STIM2: variants seen among roughly 807,000 people sequenced by gnomAD.
STIM2 encodes stromal interaction molecule 2.
In STIM2, 31 loss-of-function variants were observed where a neutral mutation model predicts 85.8. The observed-to-expected ratio is 0.36, with a 90% CI of 0.27 to 0.49. The LOEUF (loss-of-function observed/expected upper bound fraction) is 0.49, where lower values mean the gene tolerates loss of function less well. STIM2 is among the 20% of genes least tolerant of loss of function. STIM2 has a pLI of 0.98. For synonymous variants in STIM2, 356 were observed against 331.1 expected (o/e 1.08, Z -0.82); for missense variants, 841 against 927.6 (o/e 0.91, Z 1.21).
intron 3 of STIM2, among the ~76,000 whole-genome samples, chr4:26,990,656 C>T (rs2109121420): frequency 6.6e-6 from 1 of 152,148 alleles, no homozygotes; most frequent in East Asian, 1.9e-4. Context: ...AAGAGACAAC[C>T]TATGGGGTGG....
chr4:26,997,461 A>G (rs1560234516), intron 4 of STIM2, among the ~76,000 whole-genome samples: 1 of 152,100 alleles, frequency 6.6e-6, no homozygotes, highest in Admixed American at 6.5e-5. Flanking sequence ...CCTGACACAT[A>G]CCACCTCATT....
Position 26,861,114 on chromosome 4 carries a change from G to A in STIM2, c.-105G>A. On this transcript the variant is annotated 5_prime_UTR_variant, in exon 1 of 12. Coordinates refer to ENST00000467087, the MANE Select transcript of STIM2 (RefSeq NM_020860.4). Reference sequence around the variant, plus strand: ...CGGAGCCGGCGAGCTGCAGGCGGCCGGGGCGCCGCTGCGCTTTCACCCGGC... The same window carrying A: ...CGGAGCCGGCGAGCTGCAGGCGGCCAGGGCGCCGCTGCGCTTTCACCCGGC... The A allele has an allele frequency of 3.3e-6, 4 of 1,205,010 alleles. No individual in the cohort carries two copies. Among genetic ancestry groups the A allele is most frequent in the African/African-American group, 1.6e-5 (1 of 62,622 alleles). The allele number at this position is 1,205,010 out of a possible 1,614,324, so 74.6% of individuals were successfully genotyped here.
chr4:26,989,230 C>T (rs967761947), intron 3 of STIM2, among the ~76,000 whole-genome samples: 1 of 152,114 alleles, frequency 6.6e-6, no homozygotes, highest in African/African-American at 2.4e-5. Context: ...CCACCACACA[C>T]GGCCCAGTTT....
At position 26,937,969 on chromosome 4, in the gene STIM2, T is replaced by C. The variant is rs150265409; in HGVS notation, c.282+18335T>C. Among the ~76,000 whole-genome samples the C allele has an allele frequency of 2.5e-3, 374 of 152,210 alleles. 2 individuals are homozygous for C. Among genetic ancestry groups the C allele is most frequent in the African/African-American group, 8.2e-3 (342 of 41,500 alleles). The stretch of plus-strand genomic sequence containing the variant: ...CAACTTTCCATTCCTTTTTCTTTTT[T>C]GCAGATAAGTGATTTTTTGTCTTTT... On this transcript the variant is annotated intron_variant, in intron 2 of 11. Transcript: ENST00000467087.
rs541594906 is a variant in STIM2 at position 26,923,339 on chromosome 4, G to A, written c.282+3705G>A. On this transcript the variant is annotated intron_variant, in intron 2 of 11. Coordinates refer to ENST00000467087, the MANE Select transcript of STIM2 (RefSeq NM_020860.4). ...AGCGCCTCTCCTCCTCCAAAGGAAC[G>A]CAGTTCCTCACCAGCAACAGAACAA... Among the ~76,000 whole-genome samples the A allele has an allele frequency of 2.8e-3, 424 of 152,054 alleles. 4 individuals carry two copies. The highest frequency in any genetic ancestry group is 4.4e-3 in the Non-Finnish European group (301 of 67,990).
chr4:27,004,328 A>G (rs1478410178), intron 7 of STIM2, among the ~76,000 whole-genome samples: 1 of 152,138 alleles, frequency 6.6e-6, no homozygotes, highest in Non-Finnish European at 1.5e-5. Context: ...AACAAACCAT[A>G]TCAGCACAGA....
chr4:27,000,493 G>T (rs1363586357), intron 5 of STIM2, among the ~76,000 whole-genome samples: 2 of 152,156 alleles, frequency 1.3e-5, no homozygotes, highest in Non-Finnish European at 1.5e-5. Context: ...TTTTTCTCAT[G>T]TGAGTGGTTG....
chr4:26,970,253 AT>A (rs1287027420), intron 3 of STIM2, among the ~76,000 whole-genome samples: 1 of 129,132 alleles, frequency 7.7e-6, no homozygotes, highest in African/African-American at 3.0e-5. Flanking sequence ...ATATGTATGT[AT>A]TTTTTTATTA....
At chr4:27,016,069 CTAAT>C (rs1001603081) in intron 10 of STIM2, among the ~76,000 whole-genome samples, 41 of 152,112 alleles carry the variant, frequency 2.7e-4, no homozygotes, top group African/African-American at 9.4e-4. Flanking sequence ...TTCTAGCTTA[CTAAT>C]TATTTCTTCA....
At chr4:26,929,555 T>C (rs1426416212) in intron 2 of STIM2, among the ~76,000 whole-genome samples, 1 of 152,100 alleles carries the variant, frequency 6.6e-6, no homozygotes, top group Non-Finnish European at 1.5e-5. Context: ...GATTTTTGTT[T>C]TGTTTTGAAA....
At chr4:26,916,349 AC>A (rs1724579026) in intron 1 of STIM2, among the ~76,000 whole-genome samples, 1 of 152,096 alleles carries the variant, frequency 6.6e-6, no homozygotes, top group Non-Finnish European at 1.5e-5. Flanking sequence ...AAAACACCAA[AC>A]CCTAGAGCAG....
intron 7 of STIM2, among the ~76,000 whole-genome samples, chr4:27,004,153 G>GT (rs1728254846): frequency 6.6e-6 from 1 of 152,116 alleles, no homozygotes. Flanking sequence ...ATACATTACT[G>GT]TTTCCTTCAA....
intron 3 of STIM2, among the ~76,000 whole-genome samples, chr4:26,976,868 A>G (rs1232815196): frequency 6.6e-6 from 1 of 152,204 alleles, no homozygotes; most frequent in South Asian, 2.1e-4. Flanking sequence ...CTTTGGGGAT[A>G]GAGCATTGAA....
At chr4:26,966,987 C>A (rs1726748318) in intron 3 of STIM2, among the ~76,000 whole-genome samples, 1 of 152,164 alleles carries the variant, frequency 6.6e-6, no homozygotes, top group Non-Finnish European at 1.5e-5. Context: ...CCTCTCTTTG[C>A]ATCGACATTA....
Position 27,023,069 on chromosome 4 carries a change from T to A in STIM2, c.*73T>A. ...TATCCCCCACCCTCCACTCCCCACC[T>A]TTTTTTTGGTTTAATTTTAGGAATG... On this transcript the variant is annotated 3_prime_UTR_variant, in exon 12 of 12. Coordinates refer to ENST00000467087, the MANE Select transcript of STIM2 (RefSeq NM_020860.4). The A allele has an allele frequency of 7.6e-7, 1 of 1,307,496 alleles. No homozygotes were observed. Among genetic ancestry groups the A allele is most frequent in the Non-Finnish European group, 1.0e-6 (1 of 954,778 alleles). 81.0% of individuals were successfully genotyped at this position (1,307,496 alleles called of 1,614,324 possible).
intron 7 of STIM2, 24 bp from the exon 8 acceptor site, chr4:27,007,509 G>A: frequency 7.0e-7 from 1 of 1,418,752 alleles, no homozygotes; most frequent in Non-Finnish European, 9.3e-7. Flanking sequence ...CTCCTTTCTT[G>A]CCTCCTTCCT....
chr4:26,875,212 C>G (rs1193719978), intron 1 of STIM2, among the ~76,000 whole-genome samples: 1 of 152,020 alleles, frequency 6.6e-6, no homozygotes, highest in Non-Finnish European at 1.5e-5. Context: ...TCTATTAACT[C>G]CTTGTTTTGT....
intron 2 of STIM2, among the ~76,000 whole-genome samples, chr4:26,937,017 G>T (rs529324282): frequency 1.0e-3 from 159 of 151,998 alleles, no homozygotes; most frequent in African/African-American, 3.7e-3. Flanking sequence ...GGAACTTCTG[G>T]GCTCAAGCGA....
intron 3 of STIM2, among the ~76,000 whole-genome samples, chr4:26,965,294 G>A (rs1002942680): frequency 1.3e-5 from 2 of 152,166 alleles, no homozygotes; most frequent in African/African-American, 2.4e-5. Context: ...ACACCAGTAT[G>A]TTGCTCATTC....
Sources: allele counts gnomAD v4.1 joint callset (sites outside exome capture counted in the v4.1 genomes callset), GRCh38; gene constraint gnomAD v4.1.1; transcripts MANE v1.5; gene names NCBI Gene and HGNC (gene_info 2026-07-23, HGNC 2026-07-21).